The following HERC3 variants were observed in gnomAD, a reference collection of about 807,000 sequenced individuals.
The protein encoded by HERC3 is probable E3 ubiquitin-protein ligase HERC3.
In HERC3, 58 loss-of-function variants were observed where a neutral mutation model predicts 129.9. That is an observed-to-expected ratio of 0.45 (90% CI 0.36 to 0.56). The LOEUF is 0.56. HERC3 is among the 20% of genes least tolerant of loss of function. HERC3 has a pLI of 0.00. For synonymous variants in HERC3, 430 were observed against 451.0 expected (o/e 0.95, Z 0.59); for missense variants, 835 against 1,244.2 (o/e 0.67, Z 4.95).
At chr4:88,667,198 T>C (rs537225473) in intron 12 of HERC3, among the ~76,000 whole-genome samples, 179 bp from the exon 13 acceptor site, 21 of 152,334 alleles carry the variant, frequency 1.4e-4, no homozygotes, top group African/African-American at 4.6e-4. Context: ...AGAATAATAT[T>C]CTGTATTTTG....
the HERC3 span, among the ~76,000 whole-genome samples, chr4:88,534,299 G>A: frequency 6.6e-6 from 1 of 152,194 alleles, no homozygotes; most frequent in South Asian, 2.1e-4. Context: ...GGTTACAACT[G>A]GGGTGGTGCT....
chr4:88,673,338 C>T (rs1440413587), intron 16 of HERC3, among the ~76,000 whole-genome samples: 1 of 152,102 alleles, frequency 6.6e-6, no homozygotes, highest in Non-Finnish European at 1.5e-5. Context: ...CGTGTAGTGC[C>T]TCCTGCCCCA....
At chr4:88,601,521 G>C (rs994563342) in intron 2 of HERC3, among the ~76,000 whole-genome samples, 2 of 152,196 alleles carry the variant, frequency 1.3e-5, no homozygotes, top group Admixed American at 1.3e-4. Flanking sequence ...CTGTAGATTG[G>C]CTGATATATT....
chr4:88,642,909 G>A (rs1728273449), intron 3 of HERC3, among the ~76,000 whole-genome samples: 2 of 151,644 alleles, frequency 1.3e-5, no homozygotes, highest in African/African-American at 4.8e-5. Flanking sequence ...AAGAATGGGG[G>A]CGGGGGGTGT....
intron 3 of HERC3, among the ~76,000 whole-genome samples, chr4:88,612,315 G>T (rs1303691749): frequency 1.4e-5 from 2 of 145,158 alleles, no homozygotes; most frequent in Non-Finnish European, 3.0e-5. Context: ...GTGTGTGTGT[G>T]TGTGTGTGTG....
chr4:88,531,963 C>G, the HERC3 span, among the ~76,000 whole-genome samples: 11 of 152,268 alleles, frequency 7.2e-5, no homozygotes, highest in South Asian at 8.3e-4. Context: ...AAGCAGCCCC[C>G]TGTTTCTGCT....
In HERC3 at chr4:88,626,189, ATTCT is replaced by A. The variant is rs556127996; in HGVS notation, c.226+20152_226+20155del. 1.3e-4 allele frequency among the ~76,000 whole-genome samples: 19 copies of A among 151,922 alleles called. No homozygotes were observed. The East Asian group carries it at 3.5e-3, about 28-fold the overall frequency. ...GAAGAGTTTGTTTATGTTAATTTAT[ATTCT>A]TTCTTTCTTTCCTTTTCCTTCTTTT... On this transcript the variant is annotated intron_variant, in intron 3 of 25. Transcript: ENST00000402738.
At chr4:88,683,203 T>C (rs1039614345) in intron 21 of HERC3, among the ~76,000 whole-genome samples, 7 of 152,220 alleles carry the variant, frequency 4.6e-5, no homozygotes, top group Non-Finnish European at 8.8e-5. Context: ...AAAATTCCTT[T>C]TATTCTTGAG....
At chr4:88,571,445 A>G in the HERC3 span, among the ~76,000 whole-genome samples, 1 of 152,186 alleles carries the variant, frequency 6.6e-6, no homozygotes, top group African/African-American at 2.4e-5. Context: ...CAAAAGAAGA[A>G]ACTAGTCTTG....
chr4:88,613,129 C>G (rs1724531342), intron 3 of HERC3, among the ~76,000 whole-genome samples: 1 of 152,146 alleles, frequency 6.6e-6, no homozygotes, highest in South Asian at 2.1e-4. Flanking sequence ...TAATCTTTCT[C>G]CCTATCTTGA....
chr4:88,539,152 T>C, the HERC3 span, among the ~76,000 whole-genome samples: 1 of 152,142 alleles, frequency 6.6e-6, no homozygotes, highest in Admixed American at 6.5e-5. Flanking sequence ...TGTCAGGGGA[T>C]TTCCCTTTCC....
chr4:88,701,764 T>G (rs2149347895), intron 23 of HERC3, among the ~76,000 whole-genome samples: 1 of 152,212 alleles, frequency 6.6e-6, no homozygotes, highest in African/African-American at 2.4e-5. Flanking sequence ...TTTTTTTATG[T>G]TTTTATACTT....
chr4:88,598,220 GTGCATAGTC>G (rs1294163288), intron 2 of HERC3: 3 of 152,130 alleles, frequency 2.0e-5, no homozygotes, highest in Non-Finnish European at 2.9e-5. Context: ...AGGCTGCTGT[GTGCATAGTC>G]GCATAGTCTT....
the HERC3 span, among the ~76,000 whole-genome samples, chr4:88,571,924 G>A: frequency 1.3e-5 from 2 of 152,134 alleles, no homozygotes; most frequent in South Asian, 2.1e-4. Flanking sequence ...CTTAATCCCG[G>A]TGCCTCAGAA....
chr4:88,674,067 C>A (rs1731895754), intron 16 of HERC3, among the ~76,000 whole-genome samples: 1 of 152,158 alleles, frequency 6.6e-6, no homozygotes, highest in South Asian at 2.1e-4. Context: ...TGACCCTGCC[C>A]TCAATTTAAC....
At chr4:88,617,496 A>G (rs994069829) in intron 3 of HERC3, among the ~76,000 whole-genome samples, 1 of 152,240 alleles carries the variant, frequency 6.6e-6, no homozygotes, top group Non-Finnish European at 1.5e-5. Context: ...TGTGCTGATC[A>G]TGATGAAATT....
intron 2 of HERC3, among the ~76,000 whole-genome samples, chr4:88,602,984 A>T (rs560501223): frequency 6.6e-6 from 1 of 152,116 alleles, no homozygotes; most frequent in Admixed American, 6.6e-5. Context: ...CTTTTTATTC[A>T]TGCTTGGCAA....
At chr4:88,616,195 TCTTTA>T (rs3836638) in intron 3 of HERC3, among the ~76,000 whole-genome samples, 8,334 of 152,232 alleles carry the variant, frequency 0.055, 591 homozygotes, top group East Asian at 0.26. Context: ...TTTTTGCAGT[TCTTTA>T]CTTTATTGTT....
intron 12 of HERC3, 107 bp from the exon 13 acceptor site, chr4:88,667,270 A>C: frequency 1.9e-6 from 1 of 514,346 alleles, no homozygotes; most frequent in Non-Finnish European, 3.4e-6. Flanking sequence ...CTGCCAGATC[A>C]AATTTAAATC....
Sources: gnomAD v4.1 joint callset for allele counts (sites outside exome capture counted in the v4.1 genomes callset) on GRCh38, gnomAD v4.1.1 for gene constraint, MANE v1.5 for transcripts, NCBI Gene and HGNC (gene_info 2026-07-23, HGNC 2026-07-21) for gene names.